The following GCNT1 variants were observed in gnomAD, a reference collection of about 807,000 sequenced individuals.
GCNT1 encodes the protein beta-1,3-galactosyl-O-glycosyl-glycoprotein beta-1,6-N-acetylglucosaminyltransferase.
GCNT1 carries 16 observed loss-of-function variants against 26.2 expected under a neutral mutation model. The observed-to-expected ratio is 0.61, with a 90% CI of 0.41 to 0.93. The LOEUF is 0.93. GCNT1 is among the 40% of genes least tolerant of loss of function. GCNT1 has a pLI of 0.00. For synonymous variants in GCNT1, 183 were observed against 190.8 expected (o/e 0.96, Z 0.34); for missense variants, 477 against 526.7 (o/e 0.91, Z 0.92).
intron 1 of GCNT1, among the ~76,000 whole-genome samples, chr9:76,450,057 G>A (rs1312269369): frequency 6.6e-6 from 1 of 152,176 alleles, no homozygotes; most frequent in Non-Finnish European, 1.5e-5. Flanking sequence ...ACAGGTGTGA[G>A]CCACTGCGCC....
At chr9:76,468,114 T>G (rs1824047107) in intron 2 of GCNT1, among the ~76,000 whole-genome samples, 1 of 152,006 alleles carries the variant, frequency 6.6e-6, no homozygotes, top group South Asian at 2.1e-4. Flanking sequence ...CAGGCTGGTT[T>G]CGAACTCCTT....
At chr9:76,435,951 CTT>C (rs398046579) in intron 1 of GCNT1, among the ~76,000 whole-genome samples, 16,022 of 111,488 alleles carry the variant, frequency 0.14, 755 homozygotes, top group African/African-American at 0.22. Context: ...GTTCCCATAT[CTT>C]TTTTTTTTTT....
chr9:76,446,407 TC>T (rs1823578422), intron 1 of GCNT1, among the ~76,000 whole-genome samples: 1 of 152,224 alleles, frequency 6.6e-6, no homozygotes, highest in Non-Finnish European at 1.5e-5. Context: ...CATGCAATCT[TC>T]TTAGAGTTTA....
At chr9:76,446,050 G>A (rs961218087) in intron 1 of GCNT1, among the ~76,000 whole-genome samples, 2 of 151,892 alleles carry the variant, frequency 1.3e-5, no homozygotes, top group African/African-American at 4.8e-5. Context: ...AGTGTGTGGG[G>A]GAAACAGGAA....
chr9:76,421,005 A>T (rs1564218288), intron 1 of GCNT1, among the ~76,000 whole-genome samples: 1 of 152,032 alleles, frequency 6.6e-6, no homozygotes, highest in Non-Finnish European at 1.5e-5. Context: ...AAACAAACAA[A>T]TGAAAAATCC....
upstream of GCNT1, among the ~76,000 whole-genome samples, chr9:76,440,024 C>A (rs1374421851): frequency 6.6e-6 from 1 of 151,862 alleles, no homozygotes; most frequent in East Asian, 1.9e-4. Context: ...TCGCTTGAAC[C>A]CAGGAGGCGG....
At chr9:76,500,338 C>T (rs965992641) in intron 2 of GCNT1, among the ~76,000 whole-genome samples, 12 of 152,108 alleles carry the variant, frequency 7.9e-5, no homozygotes, top group Non-Finnish European at 1.6e-4. Context: ...GCTAATGATT[C>T]CATAGAGATT....
intron 2 of GCNT1, among the ~76,000 whole-genome samples, chr9:76,478,475 T>TG (rs1824316601): frequency 6.6e-6 from 1 of 152,136 alleles, no homozygotes; most frequent in African/African-American, 2.4e-5. Flanking sequence ...AAACTCCAGA[T>TG]GCATCATCTT....
At chr9:76,428,275 A>AAAAAAAAAAAAAAAAAAAAAAAAAAT (rs1823284397) in intron 1 of GCNT1, among the ~76,000 whole-genome samples, 1 of 141,132 alleles carries the variant, frequency 7.1e-6, no homozygotes, top group Non-Finnish European at 1.5e-5. Flanking sequence ...CAAAAAAAAA[A>AAAAAAAAAAAAAAAAAAAAAAAAAAT]AAAAAAAAAA....
At chr9:76,428,699 A>ATTTTTTTTTTT (rs5898475) in intron 1 of GCNT1, among the ~76,000 whole-genome samples, 1 of 130,124 alleles carries the variant, frequency 7.7e-6, no homozygotes, top group Non-Finnish European at 1.6e-5. Flanking sequence ...TGCGTATTCT[A>ATTTTTTTTTTT]TTTTTTTTTT....
intron 2 of GCNT1, among the ~76,000 whole-genome samples, chr9:76,492,453 G>C (rs1009786993): frequency 6.6e-6 from 1 of 151,932 alleles, no homozygotes; most frequent in African/African-American, 2.4e-5. Context: ...GAGGACAGCT[G>C]TCCGGGACAG....
In GCNT1 at chr9:76,434,717, T is replaced by G. The variant is rs544234353; in HGVS notation, n.38+14830T>G. ...GCGGGGTGGGGCAAAAAGAGCCATATTTTTCTTCTTGCAGAGAGCCTATAA... is the reference window on the plus strand; with the variant it reads ...GCGGGGTGGGGCAAAAAGAGCCATAGTTTTCTTCTTGCAGAGAGCCTATAA... On this transcript the variant is annotated intron_variant and non_coding_transcript_variant, in intron 1 of 3. Transcript: ENST00000488136. Among the ~76,000 whole-genome samples the G allele has an allele frequency of 5.1e-3, 779 of 152,282 alleles. 10 individuals are homozygous for G. The South Asian group carries it at 0.057, about 11-fold the overall frequency.
At chr9:76,447,380 T>G (rs1342124005) in intron 1 of GCNT1, among the ~76,000 whole-genome samples, 2 of 151,640 alleles carry the variant, frequency 1.3e-5, no homozygotes, top group African/African-American at 4.8e-5. Context: ...GCTGGGACCA[T>G]AGGTGTGCAC....
the GCNT1 span, chr9:76,394,471 G>C: frequency 3.4e-6 from 1 of 297,814 alleles, no homozygotes; most frequent in East Asian, 6.5e-5. Flanking sequence ...CCGAAGCGCA[G>C]AGCCGGCCTC....
intron 2 of GCNT1, among the ~76,000 whole-genome samples, chr9:76,487,638 T>C (rs1009250987): frequency 6.6e-6 from 1 of 152,226 alleles, no homozygotes; most frequent in African/African-American, 2.4e-5. Flanking sequence ...TGGCTTGTTA[T>C]ATGGCCTAGA....
At chr9:76,435,159 T>G (rs928035141) in intron 1 of GCNT1, among the ~76,000 whole-genome samples, 1 of 152,182 alleles carries the variant, frequency 6.6e-6, no homozygotes, top group African/African-American at 2.4e-5. Flanking sequence ...GCATGTGATC[T>G]TTGTGAGCTA....
At chr9:76,457,159 T>C (rs2131590815), upstream of GCNT1, among the ~76,000 whole-genome samples, 1 of 152,326 alleles carries the variant, frequency 6.6e-6, no homozygotes, top group South Asian at 2.1e-4. Context: ...ACTCCCAGGC[T>C]CAAGTGATAC....
At chr9:76,462,829 C>T (rs970832868) in intron 2 of GCNT1, among the ~76,000 whole-genome samples, 5 of 151,776 alleles carry the variant, frequency 3.3e-5, no homozygotes, top group African/African-American at 1.2e-4. Flanking sequence ...TTTTCCTATT[C>T]TGAGAAGCAT....
At chr9:76,418,773 C>T (rs938729550), upstream of GCNT1, among the ~76,000 whole-genome samples, 1 of 152,172 alleles carries the variant, frequency 6.6e-6, no homozygotes, top group African/African-American at 2.4e-5. Flanking sequence ...AGGAATTAAT[C>T]TGTAAGTTAT....
Sources: allele counts gnomAD v4.1 joint callset (sites outside exome capture counted in the v4.1 genomes callset), GRCh38; gene constraint gnomAD v4.1.1; transcripts MANE v1.5; gene names NCBI Gene and HGNC (gene_info 2026-07-23, HGNC 2026-07-21).